Variants in CFAP61 observed in about 807,000 individuals in gnomAD.
CFAP61 encodes the protein cilia and flagella associated protein 61.
CFAP61 carries 107 observed loss-of-function variants against 135.6 expected under a neutral mutation model. That is an observed-to-expected ratio of 0.79 (90% CI 0.67 to 0.93). CFAP61 has a LOEUF of 0.93. Among genes scored for constraint, CFAP61 ranks in the 40% least tolerant of loss-of-function variants. The probability of loss-of-function intolerance (pLI) is 0.00; values close to 1 mark genes in which losing one functional copy is unlikely to be tolerated. For synonymous variants in CFAP61, 575 were observed against 578.5 expected (o/e 0.99, Z 0.09); for missense variants, 1,507 against 1,556.2 (o/e 0.97, Z 0.53).
chr20:20,171,497 A>C (rs1045654016), intron 13 of CFAP61, among the ~76,000 whole-genome samples: 9 of 152,110 alleles, frequency 5.9e-5, no homozygotes, highest in African/African-American at 2.2e-4. Flanking sequence ...TTCCATTGTG[A>C]CTGGAGCTAG....
intron 15 of CFAP61, 71 bp downstream of exon 15, chr20:20,191,490 C>A: frequency 9.1e-7 from 1 of 1,100,056 alleles, no homozygotes; most frequent in Non-Finnish European, 1.4e-6. Context: ...CACAGTGCCC[C>A]TTTTGGAGTT....
At position 20,110,295 on chromosome 20, in the gene CFAP61, A is replaced by G. The variant is rs149244070; in HGVS notation, c.859+11481A>G. ...AAAAAAGTATTATATATAAAATAAT[A>G]TATAATACTATGTATAAACTGGTTT... On this transcript the variant is annotated intron_variant, in intron 8 of 26. Transcript: ENST00000245957. 2.8e-3 allele frequency among the ~76,000 whole-genome samples: 431 copies of G among 152,032 alleles called. 2 individuals carry two copies. The highest frequency in any genetic ancestry group is 3.1e-3 in the Non-Finnish European group (209 of 67,964).
chr20:20,289,234 C>T (rs2054824190), intron 23 of CFAP61, among the ~76,000 whole-genome samples: 1 of 152,194 alleles, frequency 6.6e-6, no homozygotes, highest in African/African-American at 2.4e-5. Context: ...GTCTGGATGT[C>T]TCACAGCTGG....
intron 13 of CFAP61, among the ~76,000 whole-genome samples, chr20:20,179,449 A>G (rs2054884352): frequency 1.3e-5 from 2 of 152,228 alleles, no homozygotes; most frequent in South Asian, 4.1e-4. Flanking sequence ...TAAAATGACC[A>G]TACTGCCCAA....
chr20:20,284,381 G>A (rs2054427283), intron 22 of CFAP61, among the ~76,000 whole-genome samples: 1 of 151,908 alleles, frequency 6.6e-6, no homozygotes. Context: ...CTCCTCCCAG[G>A]TTCACGCCAT....
chr20:20,167,566 A>T (rs150599693), intron 12 of CFAP61, among the ~76,000 whole-genome samples: 1,532 of 152,350 alleles, frequency 0.01, 22 homozygotes, highest in African/African-American at 0.035. Context: ...ACAGGAAAAA[A>T]AATAACCTTG....
At chr20:20,262,808 T>TG (rs2052368209) in intron 20 of CFAP61, 148 bp from the exon 21 acceptor site, 3 of 421,778 alleles carry the variant, frequency 7.1e-6, no homozygotes, top group Non-Finnish European at 1.3e-5. Context: ...TTTTGTGTTT[T>TG]TTTTTTTTTT....
At chr20:20,358,383 A>G (rs544338694) in intron 26 of CFAP61, among the ~76,000 whole-genome samples, 1 of 152,324 alleles carries the variant, frequency 6.6e-6, no homozygotes, top group Non-Finnish European at 1.5e-5. Flanking sequence ...TGCCTGAAAT[A>G]AACTTTAAAA....
At chr20:20,142,693 G>T (rs574759403) in intron 8 of CFAP61, among the ~76,000 whole-genome samples, 164 bp from the exon 9 acceptor site, 3 of 152,102 alleles carry the variant, frequency 2.0e-5, no homozygotes, top group Non-Finnish European at 4.4e-5. Flanking sequence ...AATTCGGGGG[G>T]GCTGCGGAGA....
intron 1 of CFAP61, chr20:20,056,003 T>C: frequency 6.2e-7 from 1 of 1,608,958 alleles, no homozygotes; most frequent in Non-Finnish European, 8.5e-7. Context: ...GGTTCTCCAC[T>C]GTTGCCGTCA....
chr20:20,250,020 T>C (rs1207199668), intron 19 of CFAP61, among the ~76,000 whole-genome samples: 1 of 152,166 alleles, frequency 6.6e-6, no homozygotes, highest in Admixed American at 6.5e-5. Flanking sequence ...CAGTCCCCGA[T>C]TTTCTTTTCT....
intron 7 of CFAP61, among the ~76,000 whole-genome samples, chr20:20,097,071 G>A (rs543069438): frequency 3.4e-4 from 50 of 149,176 alleles, no homozygotes; most frequent in African/African-American, 1.1e-3. Context: ...AGACATATTC[G>A]AGAACAAATA....
intron 18 of CFAP61, among the ~76,000 whole-genome samples, chr20:20,239,732 C>T (rs991466952): frequency 3.9e-5 from 6 of 152,146 alleles, no homozygotes; most frequent in African/African-American, 1.4e-4. Flanking sequence ...GTCTGATCTG[C>T]AGCTACCTTG....
At chr20:20,320,842 A>C (rs780263596) in intron 25 of CFAP61, among the ~76,000 whole-genome samples, 1 of 151,866 alleles carries the variant, frequency 6.6e-6, no homozygotes, top group African/African-American at 2.4e-5. Flanking sequence ...AATGTAGAGA[A>C]GTCCCAGCTG....
chr20:20,127,159 G>T (rs554757880), intron 8 of CFAP61, among the ~76,000 whole-genome samples: 10 of 151,392 alleles, frequency 6.6e-5, no homozygotes, highest in African/African-American at 1.7e-4. Context: ...ATTGGGCTTC[G>T]CCTTTCTCTG....
intron 18 of CFAP61, among the ~76,000 whole-genome samples, chr20:20,238,353 C>T (rs763654911): frequency 1.3e-5 from 2 of 152,154 alleles, no homozygotes; most frequent in African/African-American, 2.4e-5. Flanking sequence ...ATATCTATCA[C>T]GAGCTAGGAT....
chr20:20,056,551 G>A, intron 1 of CFAP61, 67 bp from the exon 2 acceptor site: 2 of 1,095,420 alleles, frequency 1.8e-6, no homozygotes, highest in Non-Finnish European at 2.7e-6. Flanking sequence ...TGACCACATG[G>A]AAATTGAATT....
chr20:20,222,753 A>T (rs962771653), intron 17 of CFAP61, among the ~76,000 whole-genome samples: 1 of 151,996 alleles, frequency 6.6e-6, no homozygotes, highest in Non-Finnish European at 1.5e-5. Flanking sequence ...AAATGTCTAT[A>T]CCCCCCTACC....
intron 13 of CFAP61, among the ~76,000 whole-genome samples, chr20:20,173,264 G>GT (rs2054362176): frequency 6.6e-6 from 1 of 152,180 alleles, no homozygotes; most frequent in Non-Finnish European, 1.5e-5. Context: ...TTATGTGGGT[G>GT]AAAGTTTTCA....
Sources: gnomAD v4.1 joint callset for allele counts (sites outside exome capture counted in the v4.1 genomes callset) on GRCh38, gnomAD v4.1.1 for gene constraint, MANE v1.5 for transcripts, NCBI Gene and HGNC (gene_info 2026-07-23, HGNC 2026-07-21) for gene names.